Variants in CDK6 observed in about 807,000 individuals in gnomAD.
CDK6 encodes cyclin-dependent kinase 6.
A neutral mutation model predicts 37.1 loss-of-function variants in CDK6; 6 were observed. The observed-to-expected ratio is 0.16, with a 90% CI of 0.09 to 0.32. The LOEUF (loss-of-function observed/expected upper bound fraction) is 0.32, where lower values mean the gene tolerates loss of function less well. CDK6 is among the 10% of genes least tolerant of loss of function. The pLI is 1.00. For synonymous variants in CDK6, 160 were observed against 161.3 expected (o/e 0.99, Z 0.06); for missense variants, 224 against 418.9 (o/e 0.53, Z 4.06).
chr7:92,648,839 G>GT (rs1162397407), intron 5 of CDK6, among the ~76,000 whole-genome samples: 1 of 152,072 alleles, frequency 6.6e-6, no homozygotes, highest in Non-Finnish European at 1.5e-5. Context: ...TCTAGTTTTA[G>GT]TTTTTACTAT....
chr7:92,621,539 C>A (rs189097049), intron 6 of CDK6, among the ~76,000 whole-genome samples: 3 of 152,178 alleles, frequency 2.0e-5, no homozygotes, highest in Non-Finnish European at 4.4e-5. Flanking sequence ...GCTTTCAAGT[C>A]CTGGCAAGCT....
chr7:92,709,953 G>A (rs1307058894), intron 4 of CDK6, among the ~76,000 whole-genome samples: 1 of 152,192 alleles, frequency 6.6e-6, no homozygotes, highest in Non-Finnish European at 1.5e-5. Context: ...CATATGTGGA[G>A]CACGTAAGGA....
intron 4 of CDK6, chr7:92,725,290 G>C (rs1798484796): frequency 1.0e-6 from 1 of 985,300 alleles, no homozygotes; most frequent in Non-Finnish European, 1.2e-6. Flanking sequence ...CCCTGACCTT[G>C]AGCTGTGTGT....
intron 5 of CDK6, among the ~76,000 whole-genome samples, chr7:92,648,470 C>G (rs1282860864): frequency 6.6e-6 from 1 of 152,136 alleles, no homozygotes; most frequent in Non-Finnish European, 1.5e-5. Context: ...GTTGTATTCA[C>G]CAGTCTTGAA....
chr7:92,760,433 G>A (rs2115721209), intron 3 of CDK6, among the ~76,000 whole-genome samples: 1 of 152,254 alleles, frequency 6.6e-6, no homozygotes, highest in Non-Finnish European at 1.5e-5. Context: ...AGCAAAGGAA[G>A]TGACACTATG....
chr7:92,642,406 C>T (rs547125041), intron 5 of CDK6, among the ~76,000 whole-genome samples: 1 of 152,248 alleles, frequency 6.6e-6, no homozygotes, highest in South Asian at 2.1e-4. Flanking sequence ...CCGCCCAGCC[C>T]ACTGTGACCT....
chr7:92,693,914 C>T (rs992078126), intron 4 of CDK6, among the ~76,000 whole-genome samples: 1 of 152,176 alleles, frequency 6.6e-6, no homozygotes, highest in Non-Finnish European at 1.5e-5. Context: ...ACCAGGTACC[C>T]TTGGGAATAA....
At position 92,608,622 on chromosome 7, in the gene CDK6, C is replaced by G; in HGVS notation, c.*6518G>C. On this transcript the variant is annotated 3_prime_UTR_variant, in exon 8 of 8. Transcript: ENST00000424848. ...GGGTAGACAGCTTCACACAGGGCAGCTGCTACCGCATCTCTTTTTACCCGA... is the reference window on the plus strand; with the variant it reads ...GGGTAGACAGCTTCACACAGGGCAGGTGCTACCGCATCTCTTTTTACCCGA... The G allele has an allele frequency of 4.3e-6, 1 of 232,238 alleles. No homozygotes were observed. Among genetic ancestry groups the G allele is most frequent in the Non-Finnish European group, 8.5e-6 (1 of 117,404 alleles). 14.4% of individuals were successfully genotyped at this position (232,238 alleles called of 1,614,324 possible).
At chr7:92,694,219 C>A (rs1322371263) in intron 4 of CDK6, among the ~76,000 whole-genome samples, 1 of 151,968 alleles carries the variant, frequency 6.6e-6, no homozygotes, top group Non-Finnish European at 1.5e-5. Context: ...TTATAAATAA[C>A]CTTTGTATAT....
Position 92,608,817 on chromosome 7 carries a change from G to C in CDK6, c.*6323C>G, listed in dbSNP as rs1360688125. The C allele has an allele frequency of 1.2e-4, 27 of 232,210 alleles. No individual in the cohort carries two copies. The East Asian group carries it at 1.6e-3, about 14-fold the overall frequency. 14.4% of individuals were successfully genotyped at this position (232,210 alleles called of 1,614,324 possible). On this transcript the variant is annotated 3_prime_UTR_variant, in exon 8 of 8. Transcript: ENST00000424848. ...CGCACATAATTTCAGGCACCGGCAG[G>C]TGAGTGGGAGGCGGGGCCCCAGCCC...
At chr7:92,743,051 C>G (rs557164443) in intron 3 of CDK6, among the ~76,000 whole-genome samples, 1 of 151,592 alleles carries the variant, frequency 6.6e-6, no homozygotes, top group African/African-American at 2.4e-5. Context: ...TGCCCTTTCT[C>G]GGTGAAGAGA....
At chr7:92,696,106 T>C (rs1024323701) in intron 4 of CDK6, among the ~76,000 whole-genome samples, 4 of 152,208 alleles carry the variant, frequency 2.6e-5, no homozygotes, top group Admixed American at 6.5e-5. Context: ...CTCAAGGTTA[T>C]AAACCAGGGG....
At position 92,834,848 on chromosome 7, in the gene CDK6, G is replaced by C. The variant is rs1382928313; in HGVS notation, c.-367-1158C>G. Among the ~76,000 whole-genome samples, 1 of 152,112 alleles carries C rather than the reference G, an allele frequency of 6.6e-6. No individual in the cohort carries two copies. The highest frequency in any genetic ancestry group is 2.4e-5 in the African/African-American group (1 of 41,412). On this transcript the variant is annotated intron_variant, in intron 1 of 7. Coordinates refer to ENST00000424848, the MANE Select transcript of CDK6 (RefSeq NM_001145306.2). The surrounding 1 kb of genome is among the most constrained non-coding windows in gnomAD (Gnocchi z 4.6). ...TAAAGGCCCGGTCCAGTCTGCAGCC[G>C]GACGCCCCCGGAGCCCTCTGCACAA... is the stretch of plus-strand genomic sequence containing the variant.
chr7:92,715,291 G>C (rs1798202175), intron 4 of CDK6, among the ~76,000 whole-genome samples: 1 of 150,522 alleles, frequency 6.6e-6, no homozygotes. Context: ...AAGTAGTAGA[G>C]CTTTTTCTCC....
chr7:92,680,268 A>G (rs1296149737), intron 4 of CDK6, among the ~76,000 whole-genome samples: 1 of 150,506 alleles, frequency 6.6e-6, no homozygotes, highest in Non-Finnish European at 1.5e-5. Context: ...CCCCGTCTCT[A>G]CTAAAAATAC....
chr7:92,745,034 A>T (rs1799026523), intron 3 of CDK6, among the ~76,000 whole-genome samples: 2 of 152,204 alleles, frequency 1.3e-5, no homozygotes, highest in Non-Finnish European at 2.9e-5. Flanking sequence ...ATAAATGTAT[A>T]AATTGTGGAA....
At chr7:92,723,211 CT>C (rs1798409110) in intron 4 of CDK6, among the ~76,000 whole-genome samples, 1 of 152,048 alleles carries the variant, frequency 6.6e-6, no homozygotes. Flanking sequence ...CAAAATATTA[CT>C]CTGGAAACAG....
chr7:92,689,870 T>C (rs1797561488), intron 4 of CDK6, among the ~76,000 whole-genome samples: 1 of 152,232 alleles, frequency 6.6e-6, no homozygotes, highest in African/African-American at 2.4e-5. Flanking sequence ...TTTGCATTTC[T>C]CTAATGATCA....
intron 4 of CDK6, among the ~76,000 whole-genome samples, chr7:92,717,070 G>C (rs1057281022): frequency 2.0e-5 from 3 of 152,046 alleles, no homozygotes; most frequent in Non-Finnish European, 2.9e-5. Context: ...AACAGGCCCA[G>C]GCATGGTAGC....
Sources: allele counts gnomAD v4.1 joint callset (sites outside exome capture counted in the v4.1 genomes callset), GRCh38; gene constraint gnomAD v4.1.1; non-coding constraint Gnocchi (gnomAD v3.1); transcripts MANE v1.5; gene names NCBI Gene and HGNC (gene_info 2026-07-23, HGNC 2026-07-21).